Variants in BRSK2 observed in about 807,000 individuals in gnomAD.
The protein encoded by BRSK2 is BR serine/threonine kinase 2.
In BRSK2, 19 loss-of-function variants were observed where a neutral mutation model predicts 83.3. That is an observed-to-expected ratio of 0.23 (90% CI 0.16 to 0.33). The LOEUF (loss-of-function observed/expected upper bound fraction) is 0.33, where lower values mean the gene tolerates loss of function less well. BRSK2 is among the 10% of genes least tolerant of loss of function. The probability of loss-of-function intolerance (pLI) is 1.00; values close to 1 mark genes in which losing one functional copy is unlikely to be tolerated. For synonymous variants in BRSK2, 519 were observed against 435.4 expected (o/e 1.19, Z -2.39); for missense variants, 798 against 1,042.3 (o/e 0.77, Z 3.23).
chr11:1,429,483 G>T (rs1179775876), intron 1 of BRSK2, among the ~76,000 whole-genome samples: 2 of 152,200 alleles, frequency 1.3e-5, no homozygotes, highest in African/African-American at 4.8e-5. Flanking sequence ...CACACGTGCT[G>T]TCCCTGCCCA....
Position 1,390,413 on chromosome 11 carries a change from C to T in BRSK2, c.91+38C>T. ...GGGGCGGGGACCGGGGCCGGGGAGG[C>T]CGCGCTGGCAGCGCGCTGGGTGGGG... On this transcript the variant is annotated intron_variant, in intron 1 of 19. Coordinates refer to ENST00000528841, the MANE Select transcript of BRSK2 (RefSeq NM_001256627.2). This position sits in a 1 kb window ranked among gnomAD's most constrained non-coding sequence, Gnocchi z 6.8. 1 of 998,218 alleles carries T rather than the reference C, an allele frequency of 1.0e-6. No individual in the cohort carries two copies. The highest frequency in any genetic ancestry group is 1.2e-6 in the Non-Finnish European group (1 of 831,270). The allele number at this position is 998,218 out of a possible 1,614,324, so 61.8% of individuals were successfully genotyped here. A position where few individuals can be genotyped will look rare whatever the true frequency, so the allele number is the denominator to read the frequency against.
At chr11:1,458,847 G>A (rs1847002040) in intron 18 of BRSK2, among the ~76,000 whole-genome samples, 1 of 152,188 alleles carries the variant, frequency 6.6e-6, no homozygotes, top group African/African-American at 2.4e-5. Context: ...GCAGGCCACG[G>A]CCAGGGCAGA....
At chr11:1,402,931 C>T (rs575932884) in intron 1 of BRSK2, among the ~76,000 whole-genome samples, 22 of 152,226 alleles carry the variant, frequency 1.4e-4, no homozygotes, top group South Asian at 6.2e-4. Flanking sequence ...CCCAAATCCC[C>T]GGGGATTTGT....
chr11:1,445,613 G>T lies in BRSK2; in HGVS notation c.1020G>T (p.Arg340=), dbSNP rs749778984. ...TGATTTACTTCCTCCTCCTGGACCG[G>T]AAAGAAAGGTACCCGAGCCAGGAGG... ...EKMIYFLLLD[R]KERYPSQEDE... The change falls in exon 11 of 20, where the codon CGG becomes CGT. Residue 340 remains arginine (R), a synonymous_variant. Coordinates refer to ENST00000528841, the MANE Select transcript of BRSK2 (RefSeq NM_001256627.2). The T allele has an allele frequency of 1.3e-6, 2 of 1,575,568 alleles. No individual in the cohort carries two copies. Among genetic ancestry groups the T allele is most frequent in the Admixed American group, 3.7e-5 (2 of 53,448 alleles).
Position 1,423,589 on chromosome 11 carries a change from C to T in BRSK2, c.92-12451C>T, listed in dbSNP as rs1190355247. Among the ~76,000 whole-genome samples the T allele has an allele frequency of 6.6e-6, 1 of 152,138 alleles. No individual in the cohort carries two copies. The highest frequency in any genetic ancestry group is 1.5e-5 in the Non-Finnish European group (1 of 68,018). Reference sequence around the variant, plus strand: ...GGTCACCGAACAGCAGAGACGTGCTCTTTCACATTCTGGAGGCGGGAAGTC... The same window carrying T: ...GGTCACCGAACAGCAGAGACGTGCTTTTTCACATTCTGGAGGCGGGAAGTC... On this transcript the variant is annotated intron_variant, in intron 1 of 19. Transcript: ENST00000528841. The surrounding 1 kb of genome is among the most constrained non-coding windows in gnomAD (Gnocchi z 6.5).
Position 1,429,092 on chromosome 11 carries a change from G to A in BRSK2, c.92-6948G>A, listed in dbSNP as rs532312819. 1.0e-3 allele frequency among the ~76,000 whole-genome samples: 144 copies of A among 142,960 alleles called. 1 individual carries two copies. The highest frequency in any genetic ancestry group is 3.2e-3 in the South Asian group (14 of 4,382). 93.8% of individuals were successfully genotyped at this position (142,960 alleles called of 152,430 possible). A position where few individuals can be genotyped will look rare whatever the true frequency, so the allele number is the denominator to read the frequency against. ...GTGCATGGGTGTGTGTCCTGGGTGCGTGCATGTGTGCACTCGGTGTGTGGG... is the reference window on the plus strand; with the variant it reads ...GTGCATGGGTGTGTGTCCTGGGTGCATGCATGTGTGCACTCGGTGTGTGGG... On this transcript the variant is annotated intron_variant, in intron 1 of 19. Transcript: ENST00000528841.
intron 1 of BRSK2, among the ~76,000 whole-genome samples, chr11:1,404,926 G>A (rs1481342947): frequency 6.6e-6 from 1 of 151,826 alleles, no homozygotes; most frequent in Non-Finnish European, 1.5e-5. Flanking sequence ...CCCAGCCCTC[G>A]CTGCCCCTGT....
rs747319466 is a variant in BRSK2, at chr11:1,449,770, C to T, written c.1227-6C>T. On this transcript the variant is annotated splice_region_variant and splice_polypyrimidine_tract_variant and intron_variant, in intron 12 of 19. Coordinates refer to ENST00000528841, the MANE Select transcript of BRSK2 (RefSeq NM_001256627.2). ...GAGCAGTGGCCCTGTACCTTGTGACCTCCAGGTCTCGGTCCATCAGCGGTG... is the reference window on the plus strand; with the variant it reads ...GAGCAGTGGCCCTGTACCTTGTGACTTCCAGGTCTCGGTCCATCAGCGGTG... The T allele has an allele frequency of 2.5e-6, 4 of 1,611,910 alleles. No homozygotes were observed. The highest frequency in any genetic ancestry group is 1.7e-5 in the Admixed American group (1 of 59,956).
chr11:1,414,135 C>G (rs1034386570), intron 1 of BRSK2, among the ~76,000 whole-genome samples: 3 of 152,218 alleles, frequency 2.0e-5, no homozygotes, highest in African/African-American at 7.2e-5. Context: ...TAAAGATACT[C>G]AAATTTTTCT....
intron 12 of BRSK2, chr11:1,447,779 T>C (rs1852356568): frequency 1.3e-6 from 2 of 1,594,182 alleles, no homozygotes; most frequent in East Asian, 4.5e-5. Context: ...CTGTGTTTTC[T>C]CGCTCTGTTC....
At chr11:1,425,353 C>T (rs573647851) in intron 1 of BRSK2, among the ~76,000 whole-genome samples, 4 of 152,308 alleles carry the variant, frequency 2.6e-5, no homozygotes, top group East Asian at 1.9e-4. Flanking sequence ...AGCACGTGGA[C>T]GCCCTGCAGG....
At chr11:1,440,675 A>T in intron 3 of BRSK2, 113 bp from the exon 4 acceptor site, 2 of 1,332,216 alleles carry the variant, frequency 1.5e-6, no homozygotes, top group Non-Finnish European at 2.0e-6. Context: ...CAGCAAGAGG[A>T]TGGGGGCGGC....
At chr11:1,447,765 G>A (rs764939314) in intron 12 of BRSK2, 13 of 1,587,926 alleles carry the variant, frequency 8.2e-6, no homozygotes, top group Non-Finnish European at 1.1e-5. Flanking sequence ...GTGGCCGTCA[G>A]TAACTGTGTT....
chr11:1,411,805 T>G (rs1193844189), intron 1 of BRSK2, among the ~76,000 whole-genome samples: 4 of 152,164 alleles, frequency 2.6e-5, no homozygotes, highest in African/African-American at 4.8e-5. Context: ...TGCCCCTATG[T>G]GGAGAGGCGC....
intron 1 of BRSK2, among the ~76,000 whole-genome samples, chr11:1,419,413 A>C (rs916975997): frequency 1.3e-5 from 2 of 152,018 alleles, no homozygotes; most frequent in African/African-American, 4.8e-5. Flanking sequence ...TGGTCTCTCT[A>C]TGTCTTTCTG....
At chr11:1,395,408 T>C (rs963408425) in intron 1 of BRSK2, among the ~76,000 whole-genome samples, 4 of 152,174 alleles carry the variant, frequency 2.6e-5, no homozygotes, top group Non-Finnish European at 5.9e-5. Context: ...GGTGGAGGCC[T>C]CAAGATGCTG....
At chr11:1,405,415 C>G (rs903320927) in intron 1 of BRSK2, among the ~76,000 whole-genome samples, 20 of 152,054 alleles carry the variant, frequency 1.3e-4, no homozygotes, top group African/African-American at 4.8e-4. Context: ...CCCCCTGTGG[C>G]TCGTGAAGCT....
intron 15 of BRSK2, among the ~76,000 whole-genome samples, chr11:1,453,356 C>G (rs1346003214): frequency 6.6e-6 from 1 of 152,226 alleles, no homozygotes; most frequent in Admixed American, 6.5e-5. Context: ...AGCAGAGAGT[C>G]ACGTTTGTAC....
intron 4 of BRSK2, 30 bp from the exon 5 acceptor site, chr11:1,442,460 C>G (rs1037025411): frequency 1.3e-6 from 2 of 1,573,346 alleles, no homozygotes; most frequent in Admixed American, 3.3e-5. Flanking sequence ...AGAGACTGGC[C>G]CTGTTCAGCC....
Sources: allele counts gnomAD v4.1 joint callset (sites outside exome capture counted in the v4.1 genomes callset), GRCh38; gene constraint gnomAD v4.1.1; non-coding constraint Gnocchi (gnomAD v3.1); transcripts MANE v1.5; gene names NCBI Gene and HGNC (gene_info 2026-07-23, HGNC 2026-07-21).